PCF11: variants seen among roughly 807,000 people sequenced by gnomAD.
PCF11 encodes pre-mRNA cleavage complex 2 protein Pcf11.
PCF11 carries 19 observed loss-of-function variants against 166.1 expected under a neutral mutation model. The ratio of observed to expected loss-of-function variants is 0.11; its 90% CI spans 0.08 to 0.17. The LOEUF is 0.17. PCF11 is among the 10% of genes least tolerant of loss of function. The probability of loss-of-function intolerance (pLI) is 1.00; values close to 1 mark genes in which losing one functional copy is unlikely to be tolerated. For missense variants in PCF11, 1,565 were observed against 1,855.5 expected (o/e 0.84, Z 2.88); for synonymous variants, 663 against 644.1 (o/e 1.03, Z -0.44).
rs376070941 is a variant in PCF11, at chr11:83,164,305, A to G, written c.606A>G (p.Gln202=). The G allele has an allele frequency of 2.5e-6, 4 of 1,613,632 alleles. No homozygotes were observed. In the African/African-American group the frequency reaches 5.3e-5, roughly 22 times the overall value. ...TACAAAAGAATCTTACACAAGAACAACTAATAAGGCAGCAGTTACTGGCAA... is the reference window on the plus strand; with the variant it reads ...TACAAAAGAATCTTACACAAGAACAGCTAATAAGGCAGCAGTTACTGGCAA... The change falls in exon 4 of 16, where the codon CAA becomes CAG. Residue 202 remains glutamine, a synonymous_variant. Transcript: ENST00000298281.
exon 5 of PCF11, chr11:83,166,510 C>G (rs1565153779): frequency 1.2e-6 from 2 of 1,613,810 alleles, no homozygotes; most frequent in Non-Finnish European, 1.7e-6. Flanking sequence ...ACACCACCTT[C>G]TAGGGAAGAC....
chr11:83,165,486 A>G, intron 4 of PCF11, 114 bp from the exon 5 acceptor site: 1 of 671,982 alleles, frequency 1.5e-6, no homozygotes, highest in Non-Finnish European at 2.4e-6. Context: ...ATTTAAATGT[A>G]GTGTTGAGTA....
intron 2 of PCF11, among the ~76,000 whole-genome samples, chr11:83,162,933 C>T (rs2135418538): frequency 6.6e-6 from 1 of 152,266 alleles, no homozygotes; most frequent in South Asian, 2.1e-4. Context: ...AGCCATCATG[C>T]CTGGCTAATT....
At chr11:83,165,546 T>G in intron 4 of PCF11, 54 bp from the exon 5 acceptor site, 1 of 1,422,036 alleles carries the variant, frequency 7.0e-7, no homozygotes, top group Non-Finnish European at 9.5e-7. Flanking sequence ...TTGCAATTTC[T>G]TGACAATCTG....
intron 3 of PCF11, 56 bp from the exon 4 acceptor site, chr11:83,164,151 C>T: frequency 1.6e-6 from 2 of 1,256,678 alleles, no homozygotes; most frequent in Non-Finnish European, 2.2e-6. Flanking sequence ...ATTTTTACTC[C>T]CTAGCTTCCG....
chr11:83,168,313 GTC>G lies in PCF11; in HGVS notation c.2093-110_2093-109del, dbSNP rs1224630263. ...TCTTATCTGCTGCTTTACGCTGTCGGTCTCTCCTGCCCCTCTAATGTAGTGAG... is the reference window on the plus strand; with the variant it reads ...TCTTATCTGCTGCTTTACGCTGTCGGTCTCCTGCCCCTCTAATGTAGTGAG... On this transcript the variant is annotated intron_variant, in intron 7 of 15. Transcript: ENST00000298281. 4 of 996,442 alleles carry G rather than the reference GTC, an allele frequency of 4.0e-6. No homozygotes were observed. The Admixed American group carries it at 8.8e-5, about 22-fold the overall frequency. The allele number at this position is 996,442 out of a possible 1,614,324, so 61.7% of individuals were successfully genotyped here.
chr11:83,174,075 C>T (rs1424156572), intron 9 of PCF11, among the ~76,000 whole-genome samples: 1 of 152,136 alleles, frequency 6.6e-6, no homozygotes, highest in African/African-American at 2.4e-5. Flanking sequence ...GTGTACAGGA[C>T]ATAGCAGTGT....
chr11:83,180,643 T>C (rs1263414323), intron 11 of PCF11: 1 of 157,480 alleles, frequency 6.4e-6, no homozygotes, highest in Non-Finnish European at 1.4e-5. Context: ...ATGCCAAAGA[T>C]CTAGAGAGGT....
chr11:83,173,715 C>CTT (rs1860772360), intron 9 of PCF11, among the ~76,000 whole-genome samples: 1 of 79,258 alleles, frequency 1.3e-5, no homozygotes, highest in Admixed American at 1.3e-4. Flanking sequence ...TTCTTTCTTT[C>CTT]TTTCTTTTTT....
At chr11:83,170,313 C>G (rs1860643047) in intron 8 of PCF11, among the ~76,000 whole-genome samples, 1 of 151,966 alleles carries the variant, frequency 6.6e-6, no homozygotes, top group Non-Finnish European at 1.5e-5. Flanking sequence ...TGTCATAGAC[C>G]TCTACATTGC....
At chr11:83,184,513 A>C in intron 15 of PCF11, 166 bp from the exon 16 acceptor site, 1 of 604,812 alleles carries the variant, frequency 1.7e-6, no homozygotes, top group East Asian at 2.9e-5. Flanking sequence ...TATATATTTT[A>C]TTTCTGGTTG....
At position 83,177,273 on chromosome 11, in the gene PCF11, AATGATATAAGTT is replaced by A. The variant is rs1860920060; in HGVS notation, c.3877+76_3877+87del. 6 of 1,200,678 alleles carry A rather than the reference AATGATATAAGTT, an allele frequency of 5.0e-6. No homozygotes were observed. In the Admixed American group the frequency reaches 1.5e-4, roughly 31 times the overall value. 74.4% of individuals were successfully genotyped at this position (1,200,678 alleles called of 1,614,324 possible). On this transcript the variant is annotated intron_variant, in intron 10 of 15. Transcript: ENST00000298281. ...GTTTTTGAGATGTATGATGTAATAT[AATGATATAAGTT>A]ATGATAAAGGTCCTTACAATAATTG... is the stretch of plus-strand genomic sequence containing the variant.
intron 9 of PCF11, 31 bp from the exon 10 acceptor site, chr11:83,177,054 G>C: frequency 7.1e-7 from 1 of 1,418,084 alleles, no homozygotes; most frequent in Non-Finnish European, 9.2e-7. Flanking sequence ...TTCAAAAGTG[G>C]TTTTTTTTCT....
exon 8 of PCF11, chr11:83,168,566 C>T (rs1376354234): frequency 6.2e-6 from 10 of 1,613,914 alleles, no homozygotes; most frequent in Non-Finnish European, 6.8e-6. Flanking sequence ...CGACTTACAG[C>T]TTTAGCTGAA....
At chr11:83,175,137 G>T (rs1322268477) in intron 9 of PCF11, among the ~76,000 whole-genome samples, 1 of 151,968 alleles carries the variant, frequency 6.6e-6, no homozygotes, top group Non-Finnish European at 1.5e-5. Context: ...TTAAAATATT[G>T]TTTTCTTTTT....
chr11:83,184,552 G>C lies in PCF11; in HGVS notation c.4453-127G>C, dbSNP rs1237718073. 5 of 648,746 alleles carry C rather than the reference G, an allele frequency of 7.7e-6. No individual in the cohort carries two copies. In the East Asian group the frequency reaches 1.4e-4, roughly 19 times the overall value. 40.2% of individuals were successfully genotyped at this position (648,746 alleles called of 1,614,324 possible). A position where few individuals can be genotyped will look rare whatever the true frequency, so the allele number is the denominator to read the frequency against. On this transcript the variant is annotated intron_variant, in intron 15 of 15. Transcript: ENST00000298281. ...TTATGGCACATTTTGTTGGGAGGCAGGTGTTTCATTTGCATTTGGTTGTAT... is the reference window on the plus strand; with the variant it reads ...TTATGGCACATTTTGTTGGGAGGCACGTGTTTCATTTGCATTTGGTTGTAT...
At chr11:83,182,075 C>T (rs1046588758) in intron 13 of PCF11, 66 bp downstream of exon 13, 9 of 1,224,302 alleles carry the variant, frequency 7.4e-6, no homozygotes, top group Non-Finnish European at 1.0e-5. Flanking sequence ...TGTAAATACT[C>T]ATAAACACAT....
At chr11:83,161,066 T>G (rs1471983495) in intron 1 of PCF11, among the ~76,000 whole-genome samples, 2 of 152,224 alleles carry the variant, frequency 1.3e-5, no homozygotes. Context: ...CCACATGAAC[T>G]TGAAATTTCA....
rs1205942103 is a variant in PCF11, at chr11:83,167,348, A to G, written c.2001+40A>G. The G allele has an allele frequency of 3.2e-6, 5 of 1,548,916 alleles. No individual in the cohort carries two copies. The highest frequency in any genetic ancestry group is 4.1e-5 in the Admixed American group (2 of 48,298). On this transcript the variant is annotated intron_variant, in intron 6 of 15. Transcript: ENST00000298281. This position sits in a 1 kb window ranked among gnomAD's most constrained non-coding sequence, Gnocchi z 4.2. The stretch of plus-strand genomic sequence containing the variant: ...TAATCCCATGTAGTCATCATTATCT[A>G]TCGTCTATTTTTTTGGTATTTTTTT...
Sources: allele counts gnomAD v4.1 joint callset (sites outside exome capture counted in the v4.1 genomes callset), GRCh38; gene constraint gnomAD v4.1.1; non-coding constraint Gnocchi (gnomAD v3.1); transcripts MANE v1.5; gene names NCBI Gene and HGNC (gene_info 2026-07-23, HGNC 2026-07-21).